TAOK3: variants seen among roughly 807,000 people sequenced by gnomAD.
The protein encoded by TAOK3 is serine/threonine-protein kinase TAO3.
In TAOK3, 40 loss-of-function variants were observed where a neutral mutation model predicts 120.4. The observed-to-expected ratio is 0.33, with a 90% CI of 0.26 to 0.43. The LOEUF is 0.43. TAOK3 is among the 20% of genes least tolerant of loss of function. The pLI, the probability that TAOK3 is intolerant of heterozygous loss-of-function variation, is 1.00. For missense variants in TAOK3, 821 were observed against 1,112.1 expected, an observed-to-expected ratio of 0.74 and a Z score of 3.72; for synonymous variants, 355 against 387.5, an observed-to-expected ratio of 0.92 and a Z score of 0.99.
At chr12:118,220,438 TGACTGAGAA>T (rs2039173549) in intron 9 of TAOK3, among the ~76,000 whole-genome samples, 1 of 151,774 alleles carries the variant, frequency 6.6e-6, no homozygotes, top group African/African-American at 2.4e-5. Context: ...ATTACAAAAA[TGACTGAGAA>T]GACACTAAGT....
intron 1 of TAOK3, among the ~76,000 whole-genome samples, chr12:118,293,326 G>A (rs1159975344): frequency 2.0e-5 from 3 of 152,166 alleles, no homozygotes; most frequent in African/African-American, 4.8e-5. Flanking sequence ...ATATGCAGAC[G>A]AATGTTAGCG....
Position 118,265,965 on chromosome 12 carries a change from T to C in TAOK3, c.-89+690A>G, listed in dbSNP as rs537333710. Among the ~76,000 whole-genome samples the C allele has an allele frequency of 2.0e-5, 3 of 152,206 alleles. No individual in the cohort carries two copies. The East Asian group carries it at 5.8e-4, about 29-fold the overall frequency. On this transcript the variant is annotated intron_variant, in intron 2 of 20. Transcript: ENST00000392533. ...CATATTTTGCAAAGTCTATTACTTCTGTAATTAGAAGAAAAGTGATACGAA... is the reference window on the plus strand; with the variant it reads ...CATATTTTGCAAAGTCTATTACTTCCGTAATTAGAAGAAAAGTGATACGAA...
intron 13 of TAOK3, among the ~76,000 whole-genome samples, chr12:118,194,305 G>A (rs2037591491): frequency 6.6e-6 from 1 of 152,052 alleles, no homozygotes; most frequent in Admixed American, 6.6e-5. Flanking sequence ...CGAAGCAGGG[G>A]TAGCTATCAA....
intron 15 of TAOK3, among the ~76,000 whole-genome samples, chr12:118,178,527 G>A (rs1255618165): frequency 2.6e-5 from 4 of 151,612 alleles, no homozygotes; most frequent in African/African-American, 7.3e-5. Flanking sequence ...GCATGATCTC[G>A]GCTCACTGCA....
chr12:118,268,835 C>G (rs1016907961), intron 1 of TAOK3, among the ~76,000 whole-genome samples: 7 of 151,968 alleles, frequency 4.6e-5, no homozygotes, highest in African/African-American at 1.7e-4. Context: ...ATGGAGAAAC[C>G]CTGTCTCTAC....
At chr12:118,265,400 A>C (rs2041404623) in intron 2 of TAOK3, among the ~76,000 whole-genome samples, 4 of 151,650 alleles carry the variant, frequency 2.6e-5, no homozygotes, top group Admixed American at 2.6e-4. Context: ...GGAAGAAAAA[A>C]AAAAAAAAAA....
At chr12:118,187,062 T>C (rs1352296473) in intron 14 of TAOK3, among the ~76,000 whole-genome samples, 2 of 152,238 alleles carry the variant, frequency 1.3e-5, no homozygotes, top group African/African-American at 4.8e-5. Flanking sequence ...GGAAGACTAA[T>C]ATCTTTGTCA....
chr12:118,296,840 T>C (rs900461472), intron 1 of TAOK3: 7 of 152,204 alleles, frequency 4.6e-5, no homozygotes, highest in African/African-American at 1.7e-4. Context: ...GGTCATTGTA[T>C]AGGTATATGG....
chr12:118,155,950 T>A (rs1178497273), intron 19 of TAOK3, among the ~76,000 whole-genome samples: 2 of 152,124 alleles, frequency 1.3e-5, no homozygotes, highest in African/African-American at 2.4e-5. Flanking sequence ...TTGCCTAGGC[T>A]GGCCAAGAAT....
chr12:118,177,087 T>C (rs1436066682), intron 16 of TAOK3, 114 bp downstream of exon 16: 1 of 1,164,246 alleles, frequency 8.6e-7, no homozygotes, highest in Non-Finnish European at 1.2e-6. Flanking sequence ...GGTATTCTAA[T>C]GTAAAGTTTG....
intron 16 of TAOK3, among the ~76,000 whole-genome samples, chr12:118,176,516 A>T (rs1363122848): frequency 2.0e-5 from 3 of 152,248 alleles, no homozygotes; most frequent in Non-Finnish European, 4.4e-5. Context: ...ACTGATGTGG[A>T]AAATACATAG....
rs2044755697 is a variant in TAOK3 at position 118,344,239 on chromosome 12, T to C, written c.-194+28409A>G. ...AATTTTTTTTCCTGATTTACCAAAA[T>C]ACAAAGATTCAAGCTCTTGATTATT... On this transcript the variant is annotated intron_variant, in intron 1 of 20. Coordinates refer to ENST00000392533, the MANE Select transcript of TAOK3 (RefSeq NM_016281.4). Among the ~76,000 whole-genome samples the C allele has an allele frequency of 2.0e-5, 3 of 149,758 alleles. No homozygotes were observed. In the South Asian group the frequency reaches 6.5e-4, roughly 32 times the overall value.
chr12:118,176,638 C>G (rs1023958786), intron 16 of TAOK3, among the ~76,000 whole-genome samples: 6 of 151,984 alleles, frequency 3.9e-5, no homozygotes, highest in Admixed American at 3.3e-4. Context: ...TTTTCAAACT[C>G]TACCCCAGAA....
intron 1 of TAOK3, among the ~76,000 whole-genome samples, chr12:118,328,470 T>C (rs1415366532): frequency 6.6e-6 from 1 of 152,172 alleles, no homozygotes; most frequent in Non-Finnish European, 1.5e-5. Flanking sequence ...ACAAATGTAT[T>C]AAAGAAACGT....
At chr12:118,182,597 G>GTATATATATATATATATA (rs1291003929) in intron 14 of TAOK3, among the ~76,000 whole-genome samples, 1 of 77,510 alleles carries the variant, frequency 1.3e-5, no homozygotes, top group African/African-American at 4.6e-5. Flanking sequence ...GTGTGTGTGT[G>GTATATATATATATATATA]TGTATATATA....
At position 118,337,899 on chromosome 12, in the gene TAOK3, C is replaced by A. The variant is rs540452447; in HGVS notation, c.-194+34749G>T. 3.9e-5 allele frequency among the ~76,000 whole-genome samples: 6 copies of A among 152,222 alleles called. No homozygotes were observed. In the East Asian group the frequency reaches 1.2e-3, roughly 29 times the overall value. On this transcript the variant is annotated intron_variant, in intron 1 of 20. Transcript: ENST00000392533. ...GACCTAAATATACACACATGTAAAACTGAGGAAATCTGAACAAGGATGGGG... is the reference window on the plus strand; with the variant it reads ...GACCTAAATATACACACATGTAAAAATGAGGAAATCTGAACAAGGATGGGG...
chr12:118,329,631 T>C (rs574604117), intron 1 of TAOK3, among the ~76,000 whole-genome samples: 149 of 151,988 alleles, frequency 9.8e-4, no homozygotes, highest in African/African-American at 3.2e-3. Context: ...AAGCTTGTTA[T>C]ATTCTATGAC....
At chr12:118,352,604 G>A (rs545218336) in intron 1 of TAOK3, among the ~76,000 whole-genome samples, 4 of 152,116 alleles carry the variant, frequency 2.6e-5, no homozygotes, top group African/African-American at 7.2e-5. Context: ...TTACAAAACT[G>A]TCTTCATTTG....
chr12:118,252,227 T>A (rs981451156), intron 3 of TAOK3, among the ~76,000 whole-genome samples: 2 of 152,152 alleles, frequency 1.3e-5, no homozygotes, highest in Non-Finnish European at 2.9e-5. Context: ...AAAGCAAAGA[T>A]GACAGAAGAA....
Sources: allele counts gnomAD v4.1 joint callset (sites outside exome capture counted in the v4.1 genomes callset), GRCh38; gene constraint gnomAD v4.1.1; transcripts MANE v1.5; gene names NCBI Gene and HGNC (gene_info 2026-07-23, HGNC 2026-07-21).